Variants in KLF12 observed in about 807,000 individuals in gnomAD.
KLF12 encodes Krueppel-like factor 12.
In KLF12, 9 loss-of-function variants were observed where a neutral mutation model predicts 37.8. The ratio of observed to expected loss-of-function variants is 0.24; its 90% CI spans 0.14 to 0.42. The LOEUF (loss-of-function observed/expected upper bound fraction) is 0.42, where lower values mean the gene tolerates loss of function less well. KLF12 is among the 10% of genes least tolerant of loss of function. KLF12 has a pLI of 1.00. For synonymous variants in KLF12, 208 were observed against 202.1 expected (o/e 1.03, Z -0.25); for missense variants, 411 against 516.0 (o/e 0.80, Z 1.97).
chr13:74,061,058 C>T (rs181296747), intron 1 of KLF12, among the ~76,000 whole-genome samples: 2 of 152,270 alleles, frequency 1.3e-5, no homozygotes, highest in African/African-American at 4.8e-5. Flanking sequence ...ATGCAGCTAT[C>T]GAATCAAGGC....
intron 1 of KLF12, among the ~76,000 whole-genome samples, chr13:74,052,754 T>A (rs950402894): frequency 1.3e-5 from 2 of 152,184 alleles, no homozygotes; most frequent in Admixed American, 1.3e-4. Flanking sequence ...ACATCCTTAC[T>A]GGTGTCTGTC....
At chr13:73,912,647 T>A (rs1888627473) in intron 3 of KLF12, among the ~76,000 whole-genome samples, 1 of 152,182 alleles carries the variant, frequency 6.6e-6, no homozygotes, top group African/African-American at 2.4e-5. Flanking sequence ...CCTGTTGACA[T>A]GATAACTGTG....
At chr13:74,132,876 A>G (rs1191517344) in intron 1 of KLF12, among the ~76,000 whole-genome samples, 2 of 152,238 alleles carry the variant, frequency 1.3e-5, no homozygotes, top group Non-Finnish European at 2.9e-5. Flanking sequence ...CAACAAAAGC[A>G]GGACTGATTC....
At chr13:73,777,784 C>A (rs1288200986) in intron 5 of KLF12, among the ~76,000 whole-genome samples, 2 of 151,664 alleles carry the variant, frequency 1.3e-5, no homozygotes, top group African/African-American at 4.8e-5. Context: ...AGACTAATAT[C>A]TAGGTAATCT....
At chr13:73,802,196 G>C (rs1882313948) in intron 5 of KLF12, 1 of 151,836 alleles carries the variant, frequency 6.6e-6, no homozygotes, top group Non-Finnish European at 1.5e-5. Flanking sequence ...CATCTGTGTA[G>C]TAGCTTTCAT....
chr13:73,771,720 T>C (rs569557864), intron 5 of KLF12, among the ~76,000 whole-genome samples: 41 of 152,220 alleles, frequency 2.7e-4, no homozygotes, highest in Non-Finnish European at 5.3e-4. Context: ...AAACAGGTAG[T>C]AACTATTACA....
intron 2 of KLF12, among the ~76,000 whole-genome samples, chr13:73,970,052 G>A (rs1403091306): frequency 6.6e-6 from 1 of 152,120 alleles, no homozygotes; most frequent in East Asian, 1.9e-4. Context: ...GGTACAAGCA[G>A]AGTTATAGGT....
chr13:73,944,001 G>C lies in KLF12; in HGVS notation c.103C>G (p.Leu35Val). The change falls in exon 3 of 8, where the codon CTT (leucine) becomes GTT (valine). Residue 35 changes from leucine (L) to valine (V), a missense_variant. Physicochemically the swap from Leu to Val is conservative, Grantham distance 32. This residue lies in a region of KLF12 where 351 missense variants were observed against 397.8 expected (regional missense o/e 0.88). Coordinates refer to ENST00000377669, the MANE Select transcript of KLF12 (RefSeq NM_007249.5). ...CTTACCCCTTGTTCAGATTCCAAAA[G>C]CTCTGTTTTGACTCTGACTGCCGGC... The C allele has an allele frequency of 1.2e-6, 2 of 1,611,722 alleles. No homozygotes were observed. Among genetic ancestry groups the C allele is most frequent in the Non-Finnish European group, 8.5e-7 (1 of 1,178,218 alleles).
chr13:74,138,749 C>T (rs1239661855), upstream of KLF12, among the ~76,000 whole-genome samples: 1 of 152,200 alleles, frequency 6.6e-6, no homozygotes, highest in Non-Finnish European at 1.5e-5. Context: ...AGCTCTGCAT[C>T]TAGCCCCCTT....
At chr13:74,235,482 TAGAC>T in the KLF12 span, among the ~76,000 whole-genome samples, 4 of 152,172 alleles carry the variant, frequency 2.6e-5, no homozygotes, top group East Asian at 3.8e-4. Context: ...CTCATTATAA[TAGAC>T]AGGGGAGAAA....
chr13:74,165,741 T>C, the KLF12 span, among the ~76,000 whole-genome samples: 1 of 152,220 alleles, frequency 6.6e-6, no homozygotes, highest in Non-Finnish European at 1.5e-5. Flanking sequence ...ATGCCAGGTT[T>C]CCCTGATGTC....
intron 2 of KLF12, among the ~76,000 whole-genome samples, chr13:73,977,952 C>T (rs1014779646): frequency 6.6e-6 from 1 of 152,156 alleles, no homozygotes; most frequent in African/African-American, 2.4e-5. Context: ...GAGCTTATAC[C>T]CTTTTATACA....
intron 1 of KLF12, among the ~76,000 whole-genome samples, chr13:74,024,703 AAG>A (rs775085308): frequency 6.6e-6 from 1 of 152,220 alleles, no homozygotes; most frequent in Non-Finnish European, 1.5e-5. Context: ...ATATTACTTT[AAG>A]AGAGATAGGC....
the KLF12 span, among the ~76,000 whole-genome samples, chr13:74,293,503 G>T: frequency 1.1e-4 from 17 of 152,282 alleles, no homozygotes; most frequent in South Asian, 3.5e-3. Context: ...ATATTAATAT[G>T]CATATGTATG....
intron 5 of KLF12, among the ~76,000 whole-genome samples, chr13:73,777,220 G>A (rs1032548938): frequency 6.6e-6 from 1 of 152,282 alleles, no homozygotes; most frequent in East Asian, 1.9e-4. Flanking sequence ...GAAGAAAGAC[G>A]TATGTGCAAA....
chr13:73,981,642 T>C (rs963688950), intron 2 of KLF12, among the ~76,000 whole-genome samples: 5 of 152,240 alleles, frequency 3.3e-5, no homozygotes, highest in African/African-American at 1.2e-4. Flanking sequence ...TAAATGGTTA[T>C]GTGTGAGACT....
intron 6 of KLF12, among the ~76,000 whole-genome samples, chr13:73,762,116 C>T (rs1879600999): frequency 6.6e-6 from 1 of 152,154 alleles, no homozygotes; most frequent in Non-Finnish European, 1.5e-5. Context: ...TATTGCCATT[C>T]TTTAATCCCT....
At chr13:74,179,479 T>C in the KLF12 span, among the ~76,000 whole-genome samples, 1 of 152,176 alleles carries the variant, frequency 6.6e-6, no homozygotes, top group South Asian at 2.1e-4. Flanking sequence ...TTAAGCAAAA[T>C]GCAGAAATAA....
At chr13:74,195,979 A>G in the KLF12 span, among the ~76,000 whole-genome samples, 2 of 152,160 alleles carry the variant, frequency 1.3e-5, no homozygotes, top group East Asian at 1.9e-4. Context: ...CAAAAAATGT[A>G]TTTACTGTGG....
Sources: gnomAD v4.1 joint callset for allele counts (sites outside exome capture counted in the v4.1 genomes callset) on GRCh38, gnomAD v4.1.1 for gene constraint, gnomAD v4.1.1 regional missense constraint, MANE v1.5 for transcripts, NCBI Gene and HGNC (gene_info 2026-07-23, HGNC 2026-07-21) for gene names.